COL4A3: variants seen among roughly 807,000 people sequenced by gnomAD.
COL4A3 encodes collagen type IV alpha 3 chain.
Under a neutral mutation model 217.4 loss-of-function variants are expected in COL4A3, and 135 were observed. That is an observed-to-expected ratio of 0.62 (90% CI 0.54 to 0.72). The LOEUF (loss-of-function observed/expected upper bound fraction) is 0.72, where lower values mean the gene tolerates loss of function less well. Ranked by LOEUF, COL4A3 falls within the 30% of genes least tolerant of loss-of-function variation. COL4A3 has a pLI of 0.00. For missense variants in COL4A3, 1,868 were observed against 2,119.9 expected (o/e 0.88, Z 2.33); for synonymous variants, 690 against 736.3 (o/e 0.94, Z 1.02).
intron 1 of COL4A3, among the ~76,000 whole-genome samples, chr2:227,165,132 G>T (rs2125613133): frequency 6.6e-6 from 1 of 152,246 alleles, no homozygotes; most frequent in South Asian, 2.1e-4. Context: ...TAATCGCCAG[G>T]GATGATACGT....
chr2:227,259,486 C>T (rs952629603), intron 18 of COL4A3, among the ~76,000 whole-genome samples: 2 of 152,150 alleles, frequency 1.3e-5, no homozygotes, highest in Non-Finnish European at 2.9e-5. Context: ...CATATACACA[C>T]ATACATAGGT....
chr2:227,249,228 A>ATTTTTTTTTTTTTTTTTTT (rs1437063843), intron 9 of COL4A3, among the ~76,000 whole-genome samples: 1 of 22,160 alleles, frequency 4.5e-5, no homozygotes, highest in African/African-American at 1.5e-4. Context: ...ATATATATAT[A>ATTTTTTTTTTTTTTTTTTT]TATTTTTTTT....
At chr2:227,219,445 T>C (rs184210662) in intron 1 of COL4A3, among the ~76,000 whole-genome samples, 2,145 of 152,300 alleles carry the variant, frequency 0.014, 32 homozygotes, top group Non-Finnish European at 0.016. Context: ...GCAGAGCCAA[T>C]CCCAAAGACT....
rs1481153799 is a variant in COL4A3, at chr2:227,312,564, C to A, written c.*694C>A. The A allele has an allele frequency of 6.6e-6, 1 of 152,350 alleles. No individual in the cohort carries two copies. Among genetic ancestry groups the A allele is most frequent in the African/African-American group, 2.4e-5 (1 of 41,436 alleles). The allele number at this position is 152,350 out of a possible 1,614,324, so 9.4% of individuals were successfully genotyped here. On this transcript the variant is annotated 3_prime_UTR_variant, in exon 52 of 52. Transcript: ENST00000396578. ...AAGATTTTTGTTTGTTTATTGAATTCATTTCACTGTAGCTCTAAAATCTGC... is the reference window on the plus strand; with the variant it reads ...AAGATTTTTGTTTGTTTATTGAATTAATTTCACTGTAGCTCTAAAATCTGC...
chr2:227,275,419 G>C (rs934236708), intron 26 of COL4A3, among the ~76,000 whole-genome samples: 1 of 152,130 alleles, frequency 6.6e-6, no homozygotes, highest in African/African-American at 2.4e-5. Context: ...GACCTCAAGT[G>C]ATCCACCCGC....
chr2:227,202,359 G>A (rs1364891728), intron 1 of COL4A3, among the ~76,000 whole-genome samples: 2 of 152,048 alleles, frequency 1.3e-5, no homozygotes, highest in Admixed American at 1.3e-4. Context: ...GTTTCTTGAA[G>A]CCCTAAATAA....
chr2:227,255,913 A>G, intron 15 of COL4A3, 113 bp from the exon 16 acceptor site: 1 of 1,044,916 alleles, frequency 9.6e-7, no homozygotes, highest in Non-Finnish European at 1.5e-6. Context: ...ATCTTTACTC[A>G]GGCTTTTCAT....
In COL4A3 at chr2:227,254,653, CA is replaced by C; in HGVS notation, c.829-2del. 6.2e-7 allele frequency: 1 copy of C among 1,608,300 alleles called. No individual in the cohort carries two copies. Among genetic ancestry groups the C allele is most frequent in the Non-Finnish European group, 8.5e-7 (1 of 1,174,840 alleles). On this transcript the variant is annotated splice_acceptor_variant, in intron 14 of 51. Coordinates refer to ENST00000396578, the MANE Select transcript of COL4A3 (RefSeq NM_000091.5). LOFTEE classifies it high-confidence loss of function. The stretch of plus-strand genomic sequence containing the variant: ...AAATTTGACATGGCTCTAATTAATA[CA>C]GGGACTGCCTGGAGAATCATATGGA...
chr2:227,200,291 A>G (rs1321400402), intron 1 of COL4A3, among the ~76,000 whole-genome samples: 2 of 152,218 alleles, frequency 1.3e-5, no homozygotes, highest in African/African-American at 4.8e-5. Flanking sequence ...ATTCTTGAAC[A>G]TCCACTGTAT....
intron 1 of COL4A3, among the ~76,000 whole-genome samples, chr2:227,168,835 C>A (rs1217990781): frequency 6.6e-6 from 1 of 151,966 alleles, no homozygotes; most frequent in Non-Finnish European, 1.5e-5. Context: ...GATGACAAAT[C>A]GTCCCAACAT....
intron 5 of COL4A3, 57 bp downstream of exon 5, chr2:227,245,052 A>C: frequency 6.6e-7 from 1 of 1,517,460 alleles, no homozygotes; most frequent in Non-Finnish European, 9.2e-7. Context: ...CATTTTAATA[A>C]AGATGTTAAA....
chr2:227,215,190 T>C (rs1574589830), intron 1 of COL4A3, among the ~76,000 whole-genome samples: 2 of 152,120 alleles, frequency 1.3e-5, no homozygotes, highest in Non-Finnish European at 2.9e-5. Context: ...TTATCGTTTT[T>C]CCCTCATTAT....
In COL4A3 at chr2:227,282,055, T is replaced by C. The variant is rs1271245043; in HGVS notation, c.2489-310T>C. Among the ~76,000 whole-genome samples, 8 of 152,148 alleles carry C rather than the reference T, an allele frequency of 5.3e-5. No individual in the cohort carries two copies. Among genetic ancestry groups the C allele is most frequent in the Admixed American group, 5.2e-4 (8 of 15,268 alleles). ...GGGAGGCCGAGGTGGGCGGATCATT[T>C]GAGGTCAGGAGTTTGAGACCAGCCT... is the stretch of plus-strand genomic sequence containing the variant. On this transcript the variant is annotated intron_variant, in intron 31 of 51. Transcript: ENST00000396578. This position sits in a 1 kb window ranked among gnomAD's most constrained non-coding sequence, Gnocchi z 4.4.
At chr2:227,177,687 G>A (rs2065728214) in intron 1 of COL4A3, among the ~76,000 whole-genome samples, 1 of 152,136 alleles carries the variant, frequency 6.6e-6, no homozygotes, top group Non-Finnish European at 1.5e-5. Context: ...CGATTCATAA[G>A]TTTTAAATTG....
chr2:227,282,478 G>C lies in COL4A3; in HGVS notation c.2602G>C (p.Gly868Arg), dbSNP rs2106164384. The change falls in exon 32 of 52, where the codon GGA (glycine) becomes CGA (arginine). Residue 868 changes from glycine to arginine, a missense_variant. Physicochemically the swap from Gly to Arg is moderately radical, Grantham distance 125 (BLOSUM62 -2). This residue lies in a region of COL4A3 where 1,503 missense variants were observed against 1,786.1 expected (regional missense o/e 0.84). Coordinates refer to ENST00000396578, the MANE Select transcript of COL4A3 (RefSeq NM_000091.5). This position sits in a 1 kb window ranked among gnomAD's most constrained non-coding sequence, Gnocchi z 4.4. ...AATTCCAGGTCATCAAGGTGAAATG[G>C]GACCACTGGGTCAAAGAGGATATCC... is the stretch of plus-strand genomic sequence containing the variant. ...PGIPGHQGEM[G>R]PLGQRGYPGN... The C allele has an allele frequency of 6.2e-7, 1 of 1,613,806 alleles. No individual in the cohort carries two copies.
chr2:227,164,911 A>T lies in COL4A3; in HGVS notation c.87+98A>T. The T allele has an allele frequency of 7.4e-7, 1 of 1,345,784 alleles. No individual in the cohort carries two copies. The highest frequency in any genetic ancestry group is 1.6e-5 in the South Asian group (1 of 61,332). The allele number at this position is 1,345,784 out of a possible 1,614,324, so 83.4% of individuals were successfully genotyped here. A position where few individuals can be genotyped will look rare whatever the true frequency, so the allele number is the denominator to read the frequency against. On this transcript the variant is annotated intron_variant, in intron 1 of 51. Transcript: ENST00000396578. This position sits in a 1 kb window ranked among gnomAD's most constrained non-coding sequence, Gnocchi z 4.8. ...CCCACCCGCAGCGGCGCGGTAGTGG[A>T]GCGGCTGCCGGGCTAGTGGCGAGGC... is the stretch of plus-strand genomic sequence containing the variant.
At chr2:227,176,090 A>G (rs2065665204) in intron 1 of COL4A3, among the ~76,000 whole-genome samples, 1 of 152,178 alleles carries the variant, frequency 6.6e-6, no homozygotes, top group African/African-American at 2.4e-5. Flanking sequence ...ATCTGGAAGA[A>G]GTGAGGAGCT....
chr2:227,171,906 T>C (rs1442596747), intron 1 of COL4A3, among the ~76,000 whole-genome samples: 1 of 152,196 alleles, frequency 6.6e-6, no homozygotes, highest in Non-Finnish European at 1.5e-5. Context: ...TTTTATACGT[T>C]GGCATACTTC....
rs201198284 is a variant in COL4A3 at position 227,279,835 on chromosome 2, C to T, written c.2168C>T (p.Pro723Leu). 62 of 1,610,590 alleles carry T rather than the reference C, an allele frequency of 3.8e-5. No homozygotes were observed. The African/African-American group carries it at 7.7e-4, about 20-fold the overall frequency. Residue 723 changes from proline to leucine, a missense_variant, in exon 29 of 52, where the codon CCT becomes CTT. This residue lies in a region of COL4A3 where 1,503 missense variants were observed against 1,786.1 expected (regional missense o/e 0.84). Coordinates refer to ENST00000396578, the MANE Select transcript of COL4A3 (RefSeq NM_000091.5). The part of the protein sequence containing the change: ...FPGTKGSLGC[P>L]GKMGEPGLPG... Reference sequence around the variant, plus strand: ...GGTACAAAAGGATCACTGGGTTGTCCTGGAAAAATGGGAGAGCCTGGGTTA... The same window carrying T: ...GGTACAAAAGGATCACTGGGTTGTCTTGGAAAAATGGGAGAGCCTGGGTTA...
Sources: gnomAD v4.1 joint callset for allele counts (sites outside exome capture counted in the v4.1 genomes callset) on GRCh38, gnomAD v4.1.1 for gene constraint, gnomAD v4.1.1 regional missense constraint, Gnocchi (gnomAD v3.1) non-coding constraint, MANE v1.5 for transcripts, NCBI Gene and HGNC (gene_info 2026-07-23, HGNC 2026-07-21) for gene names.